The following YPEL1 variants were observed in gnomAD, a reference collection of about 807,000 sequenced individuals.
YPEL1 encodes the protein yippee like 1.
A neutral mutation model predicts 17.3 loss-of-function variants in YPEL1; 7 were observed. The ratio of observed to expected loss-of-function variants is 0.40; its 90% CI spans 0.23 to 0.76. The LOEUF is 0.76. Among genes scored for constraint, YPEL1 ranks in the 30% least tolerant of loss-of-function variants. The pLI, the probability that YPEL1 is intolerant of heterozygous loss-of-function variation, is 0.35. For missense variants in YPEL1, 91 were observed against 155.5 expected (o/e 0.59, Z 2.21); for synonymous variants, 59 against 59.6 (o/e 0.99, Z 0.05).
chr22:21,728,562 C>T (rs2068357714), intron 1 of YPEL1, among the ~76,000 whole-genome samples: 1 of 152,122 alleles, frequency 6.6e-6, no homozygotes, highest in Admixed American at 6.5e-5. Flanking sequence ...TACCTGAGCA[C>T]CCAAGGTTGC....
At chr22:21,711,570 C>T (rs750891221) in intron 1 of YPEL1, among the ~76,000 whole-genome samples, 2 of 152,086 alleles carry the variant, frequency 1.3e-5, no homozygotes, top group Admixed American at 6.6e-5. Flanking sequence ...TGAAATAAAC[C>T]CTTATGTATG....
chr22:21,730,163 C>T (rs1395185549), intron 1 of YPEL1, among the ~76,000 whole-genome samples: 1 of 151,864 alleles, frequency 6.6e-6, no homozygotes, highest in African/African-American at 2.4e-5. Context: ...ACAAAAGCAA[C>T]AACAACAACA....
intron 4 of YPEL1, among the ~76,000 whole-genome samples, chr22:21,702,847 A>G (rs2068079012): frequency 6.6e-6 from 1 of 152,180 alleles, no homozygotes; most frequent in East Asian, 1.9e-4. Context: ...CATGTGGTGG[A>G]GAGAGAAGGG....
At chr22:21,701,502 ACT>A (rs904580275) in intron 4 of YPEL1, among the ~76,000 whole-genome samples, 1 of 152,080 alleles carries the variant, frequency 6.6e-6, no homozygotes, top group African/African-American at 2.4e-5. Flanking sequence ...ATAAGGTCTC[ACT>A]CTGTCACTCA....
chr22:21,715,267 G>A (rs144841180), intron 1 of YPEL1, among the ~76,000 whole-genome samples: 2,176 of 152,216 alleles, frequency 0.014, 49 homozygotes, highest in Non-Finnish European at 0.02. Context: ...GGCTGAGGCG[G>A]GCAGATCGCC....
chr22:21,734,544 T>C (rs936769445), intron 1 of YPEL1, among the ~76,000 whole-genome samples: 2 of 152,114 alleles, frequency 1.3e-5, no homozygotes, highest in African/African-American at 4.8e-5. Context: ...CCCGTAGGGG[T>C]TCCCACAAGT....
chr22:21,730,708 G>C (rs1450745694), intron 1 of YPEL1, among the ~76,000 whole-genome samples: 1 of 152,128 alleles, frequency 6.6e-6, no homozygotes, highest in African/African-American at 2.4e-5. Context: ...CACATTTCAG[G>C]AACTGCAGCC....
intron 2 of YPEL1, among the ~76,000 whole-genome samples, chr22:21,710,006 T>A (rs1400208586): frequency 2.0e-5 from 3 of 152,156 alleles, no homozygotes; most frequent in Non-Finnish European, 1.5e-5. Context: ...GAGCATCAGC[T>A]CCTCCATGAT....
intron 1 of YPEL1, among the ~76,000 whole-genome samples, chr22:21,718,504 G>T (rs1029205862): frequency 1.3e-5 from 2 of 151,446 alleles, no homozygotes; most frequent in African/African-American, 4.8e-5. Flanking sequence ...AAAGAAAAAA[G>T]ACTGGCATAA....
chr22:21,712,542 T>C lies in YPEL1; in HGVS notation c.-164-1634A>G, dbSNP rs180863349. Reference sequence around the variant, plus strand: ...GAGATCGAGACCACCCTAGTCAACATGGCGAAACCCCGTCTCTACTAAAAA... The same window carrying C: ...GAGATCGAGACCACCCTAGTCAACACGGCGAAACCCCGTCTCTACTAAAAA... On this transcript the variant is annotated intron_variant, in intron 1 of 4. Transcript: ENST00000339468. Among the ~76,000 whole-genome samples the C allele has an allele frequency of 7.3e-3, 1,105 of 151,652 alleles. 6 individuals carry two copies. The highest frequency in any genetic ancestry group is 0.011 in the Non-Finnish European group (772 of 67,912).
At position 21,703,901 on chromosome 22, in the gene YPEL1, G is replaced by A. The variant is rs757945903; in HGVS notation, c.118-19C>T. 3.2e-5 allele frequency: 50 copies of A among 1,586,170 alleles called. No individual in the cohort carries two copies. The highest frequency in any genetic ancestry group is 4.6e-5 in the South Asian group (4 of 86,932). On this transcript the variant is annotated intron_variant, in intron 2 of 4. Transcript: ENST00000339468. This position sits in a 1 kb window ranked among gnomAD's most constrained non-coding sequence, Gnocchi z 6.1. ...GAAAGGACTGAAAGAAGAAGGTCCC[G>A]TGAGATTGGCTGCGAGTGCTTTCTG... is the stretch of plus-strand genomic sequence containing the variant.
intron 2 of YPEL1, among the ~76,000 whole-genome samples, chr22:21,707,120 T>TA (rs917460276): frequency 3.3e-5 from 5 of 151,956 alleles, no homozygotes; most frequent in Admixed American, 2.0e-4. Flanking sequence ...TTATATAATT[T>TA]AAAAAAAATT....
At chr22:21,712,913 TCAA>T (rs2068184726) in intron 1 of YPEL1, among the ~76,000 whole-genome samples, 1 of 151,878 alleles carries the variant, frequency 6.6e-6, no homozygotes, top group Non-Finnish European at 1.5e-5. Context: ...CTCCTACAAC[TCAA>T]CAAAACAACC....
chr22:21,735,790 T>G lies in YPEL1; in HGVS notation c.-340A>C, dbSNP rs2068432303. 1 of 150,078 alleles carries G rather than the reference T, an allele frequency of 6.7e-6. No individual in the cohort carries two copies. The highest frequency in any genetic ancestry group is 1.5e-5 in the Non-Finnish European group (1 of 67,322). 9.3% of individuals were successfully genotyped at this position (150,078 alleles called of 1,614,324 possible). ...CGCCCCGCGGGCCGCCTGCCCTTTG[T>G]TTTGGAGCCGTAGCCCGGCCCAGAC... On this transcript the variant is annotated 5_prime_UTR_variant, in exon 1 of 5. Coordinates refer to ENST00000339468, the MANE Select transcript of YPEL1 (RefSeq NM_013313.5).
chr22:21,699,320 T>TA lies in YPEL1; in HGVS notation c.*1808dup, dbSNP rs2068040063. ...GAACTATCCGGGCTCAGTGCTCTCC[T>TA]ATCTGCTGCCCCTCGGTCCCCCTGC... On this transcript the variant is annotated 3_prime_UTR_variant, in exon 5 of 5. Coordinates refer to ENST00000339468, the MANE Select transcript of YPEL1 (RefSeq NM_013313.5). The TA allele has an allele frequency of 1.3e-5, 2 of 152,678 alleles. No homozygotes were observed. The highest frequency in any genetic ancestry group is 4.1e-4 in the South Asian group (2 of 4,838). The allele number at this position is 152,678 out of a possible 1,614,324, so 9.5% of individuals were successfully genotyped here. A position where few individuals can be genotyped will look rare whatever the true frequency, so the allele number is the denominator to read the frequency against.
chr22:21,701,703 T>G (rs533047057), intron 4 of YPEL1, among the ~76,000 whole-genome samples: 2 of 152,276 alleles, frequency 1.3e-5, no homozygotes, highest in South Asian at 4.1e-4. Flanking sequence ...AAGACTACAC[T>G]CCAGGAATTC....
At position 21,710,057 on chromosome 22, in the gene YPEL1, C is replaced by T. The variant is rs147871449; in HGVS notation, c.117+571G>A. 7.2e-4 allele frequency among the ~76,000 whole-genome samples: 109 copies of T among 152,224 alleles called. No individual in the cohort carries two copies. The Middle Eastern group carries it at 0.01, about 14-fold the overall frequency. On this transcript the variant is annotated intron_variant, in intron 2 of 4. Coordinates refer to ENST00000339468, the MANE Select transcript of YPEL1 (RefSeq NM_013313.5). ...ATGTTCACAACTGGTTGATGATCAA[C>T]GCCACACACTGCTAATGAGGAGCTC... is the stretch of plus-strand genomic sequence containing the variant.
At chr22:21,722,057 C>CT (rs1032426673) in intron 1 of YPEL1, among the ~76,000 whole-genome samples, 3 of 152,224 alleles carry the variant, frequency 2.0e-5, no homozygotes, top group African/African-American at 2.4e-5. Context: ...ATTCCCTTGT[C>CT]TTTTTTTAAG....
chr22:21,723,345 C>T (rs1395151290), intron 1 of YPEL1, among the ~76,000 whole-genome samples: 1 of 151,190 alleles, frequency 6.6e-6, no homozygotes. Context: ...CAGAAGTGCA[C>T]ACTGCACCTG....
Sources: gnomAD v4.1 joint callset for allele counts (sites outside exome capture counted in the v4.1 genomes callset) on GRCh38, gnomAD v4.1.1 for gene constraint, Gnocchi (gnomAD v3.1) non-coding constraint, MANE v1.5 for transcripts, NCBI Gene and HGNC (gene_info 2026-07-23, HGNC 2026-07-21) for gene names.